GRHL2: variants seen among roughly 807,000 people sequenced by gnomAD.
GRHL2 encodes grainyhead like transcription factor 2, also known as grainyhead-like protein 2 homolog.
GRHL2 carries 21 observed loss-of-function variants against 83.8 expected under a neutral mutation model. That is an observed-to-expected ratio of 0.25 (90% CI 0.18 to 0.36). The LOEUF is 0.36. Among genes scored for constraint, GRHL2 ranks in the 10% least tolerant of loss-of-function variants. The pLI is 1.00. For missense variants in GRHL2, 623 were observed against 781.8 expected (o/e 0.80, Z 2.42); for synonymous variants, 280 against 278.9 (o/e 1.00, Z -0.04).
chr8:101,512,266 G>A (rs73701914), intron 1 of GRHL2, among the ~76,000 whole-genome samples: 3,356 of 151,912 alleles, frequency 0.022, 123 homozygotes, highest in African/African-American at 0.075. Context: ...TTAGTATAGA[G>A]TTGATATCTT....
At chr8:101,666,044 C>G (rs1442054804) in intron 15 of GRHL2, among the ~76,000 whole-genome samples, 2 of 152,222 alleles carry the variant, frequency 1.3e-5, no homozygotes, top group Non-Finnish European at 2.9e-5. Flanking sequence ...AACAATTTAA[C>G]CTTGTTGAGG....
chr8:101,541,081 A>G (rs1388858214), intron 1 of GRHL2, among the ~76,000 whole-genome samples: 2 of 151,734 alleles, frequency 1.3e-5, no homozygotes, highest in Non-Finnish European at 2.9e-5. Context: ...AGTGGCCTCC[A>G]GTTCCGTCAC....
chr8:101,604,275 C>T (rs1006415552), intron 8 of GRHL2, among the ~76,000 whole-genome samples: 1 of 152,088 alleles, frequency 6.6e-6, no homozygotes, highest in Non-Finnish European at 1.5e-5. Flanking sequence ...ACGCAAGACC[C>T]TAGTGAGTTA....
chr8:101,529,021 A>AT, intron 1 of GRHL2: 1 of 378,078 alleles, frequency 2.6e-6, no homozygotes, highest in Non-Finnish European at 5.2e-6. Context: ...TTCAGATGTA[A>AT]TTTTTACCAC....
intron 8 of GRHL2, among the ~76,000 whole-genome samples, chr8:101,615,571 T>C (rs1812838002): frequency 6.6e-6 from 1 of 152,194 alleles, no homozygotes; most frequent in Non-Finnish European, 1.5e-5. Flanking sequence ...ATGAAGCACA[T>C]GGCCAAAACG....
chr8:101,649,363 T>C lies in GRHL2; in HGVS notation c.1613-51T>C, dbSNP rs1432990559. On this transcript the variant is annotated intron_variant, in intron 13 of 15. Transcript: ENST00000646743. Reference sequence around the variant, plus strand: ...AGGAAACAGTCCCCTGGAGCAGCTGTGGAATTGTGCAGCCCCTCGGTCACG... The same window carrying C: ...AGGAAACAGTCCCCTGGAGCAGCTGCGGAATTGTGCAGCCCCTCGGTCACG... The C allele has an allele frequency of 4.2e-6, 6 of 1,415,630 alleles. No individual in the cohort carries two copies. The African/African-American group carries it at 7.0e-5, about 17-fold the overall frequency. The allele number at this position is 1,415,630 out of a possible 1,614,324, so 87.7% of individuals were successfully genotyped here.
chr8:101,654,973 G>A (rs568106962), intron 14 of GRHL2, among the ~76,000 whole-genome samples: 4 of 152,102 alleles, frequency 2.6e-5, no homozygotes, highest in Admixed American at 1.3e-4. Context: ...ACCTGAGGTC[G>A]GGAGTTCGAG....
chr8:101,678,803 C>A, the GRHL2 span, among the ~76,000 whole-genome samples: 7 of 151,962 alleles, frequency 4.6e-5, no homozygotes, highest in Admixed American at 1.3e-4. Flanking sequence ...AGGCACCCCC[C>A]AGCAGGGGCA....
At chr8:101,670,622 C>T (rs1023485295), downstream of GRHL2, among the ~76,000 whole-genome samples, 5 of 152,218 alleles carry the variant, frequency 3.3e-5, no homozygotes, top group South Asian at 8.3e-4. Context: ...CTCTCCCCAG[C>T]TGTCCAAGTA....
chr8:101,589,702 A>T (rs1162579426), intron 7 of GRHL2, among the ~76,000 whole-genome samples: 1 of 152,232 alleles, frequency 6.6e-6, no homozygotes, highest in Non-Finnish European at 1.5e-5. Flanking sequence ...CACAAATGGT[A>T]TCTGTGAGGG....
Position 101,573,781 on chromosome 8 carries a change from C to T in GRHL2, c.848C>T (p.Thr283Ile). The T allele has an allele frequency of 6.2e-7, 1 of 1,614,160 alleles. No homozygotes were observed. The highest frequency in any genetic ancestry group is 8.5e-7 in the Non-Finnish European group (1 of 1,180,030). ...TTCTATGCCATAACACTCAGCGAGA[C>T]CGGAGACAACAAATGCTTCCGACAC... ...GQFYAITLSETGDNKCFRHPI... is the reference protein window; with the variant it reads ...GQFYAITLSEIGDNKCFRHPI... Residue 283 changes from threonine to isoleucine, a missense_variant, in exon 6 of 16, where the codon ACC (threonine) becomes ATC (isoleucine). By Grantham distance (89) the Thr-to-Ile change is moderately conservative. Around this residue, in one of 8 missense-constraint regions of GRHL2, gnomAD observed 96 missense variants for 144.8 expected, o/e 0.66. Transcript: ENST00000646743.
chr8:101,608,359 G>T (rs1812672135), intron 8 of GRHL2, among the ~76,000 whole-genome samples: 1 of 150,538 alleles, frequency 6.6e-6, no homozygotes, highest in African/African-American at 2.5e-5. Flanking sequence ...TATTATCTCT[G>T]ACAAGGGAAT....
intron 7 of GRHL2, among the ~76,000 whole-genome samples, chr8:101,588,889 G>A (rs1812220801): frequency 6.6e-6 from 1 of 152,150 alleles, no homozygotes; most frequent in African/African-American, 2.4e-5. Flanking sequence ...CACCACTTCA[G>A]AAACAGTTCA....
intron 11 of GRHL2, among the ~76,000 whole-genome samples, chr8:101,632,776 C>A (rs1813212778): frequency 6.6e-6 from 1 of 152,202 alleles, no homozygotes; most frequent in African/African-American, 2.4e-5. Context: ...AAATAAAACT[C>A]ATTCAACAAA....
chr8:101,527,387 G>C (rs1810830278), intron 1 of GRHL2, among the ~76,000 whole-genome samples: 1 of 151,914 alleles, frequency 6.6e-6, no homozygotes. Context: ...TTTTTGTAGA[G>C]ACAGAGTCTT....
intron 1 of GRHL2, among the ~76,000 whole-genome samples, chr8:101,493,241 G>C (rs1462513384): frequency 6.6e-6 from 1 of 152,218 alleles, no homozygotes; most frequent in African/African-American, 2.4e-5. Flanking sequence ...GGGCTTGGCC[G>C]CTTTTGTGTG....
the GRHL2 span, among the ~76,000 whole-genome samples, chr8:101,678,751 C>T: frequency 4.6e-5 from 7 of 152,112 alleles, no homozygotes; most frequent in African/African-American, 1.7e-4. Flanking sequence ...GGGCAGACTG[C>T]CTCCTCAAGC....
At chr8:101,613,251 G>A (rs531750803) in intron 8 of GRHL2, among the ~76,000 whole-genome samples, 7 of 150,782 alleles carry the variant, frequency 4.6e-5, no homozygotes, top group Admixed American at 1.3e-4. Context: ...ATGCATCTGC[G>A]TGTATACATA....
At chr8:101,582,665 T>C (rs1383450527) in intron 7 of GRHL2, among the ~76,000 whole-genome samples, 1 of 152,180 alleles carries the variant, frequency 6.6e-6, no homozygotes, top group Admixed American at 6.5e-5. Flanking sequence ...ACCTCAGAGC[T>C]GCAGGTAGAA....
Sources: gnomAD v4.1 joint callset for allele counts (sites outside exome capture counted in the v4.1 genomes callset) on GRCh38, gnomAD v4.1.1 for gene constraint, gnomAD v4.1.1 regional missense constraint, MANE v1.5 for transcripts, NCBI Gene and HGNC (gene_info 2026-07-23, HGNC 2026-07-21) for gene names.